PAIP1: variants seen among roughly 807,000 people sequenced by gnomAD.
The protein encoded by PAIP1 is poly(A) binding protein interacting protein 1.
Under a neutral mutation model 61.3 loss-of-function variants are expected in PAIP1, and 16 were observed. The ratio of observed to expected loss-of-function variants is 0.26; its 90% CI spans 0.18 to 0.40. The LOEUF (loss-of-function observed/expected upper bound fraction) is 0.40. Ranked by LOEUF, PAIP1 falls within the 10% of genes least tolerant of loss-of-function variation. PAIP1 has a pLI of 1.00. For synonymous variants in PAIP1, 187 were observed against 226.2 expected (o/e 0.83, Z 1.56); for missense variants, 416 against 600.9 (o/e 0.69, Z 3.22).
chr5:43,540,743 C>T (rs1044559172), intron 4 of PAIP1, among the ~76,000 whole-genome samples: 3 of 152,210 alleles, frequency 2.0e-5, no homozygotes, highest in African/African-American at 7.2e-5. Context: ...TACAGTACTA[C>T]AGAAGCACAT....
At chr5:43,553,795 A>C (rs1747957749) in intron 2 of PAIP1, among the ~76,000 whole-genome samples, 1 of 152,196 alleles carries the variant, frequency 6.6e-6, no homozygotes, top group African/African-American at 2.4e-5. Context: ...TAAGCCAGAA[A>C]GCAAATTAGA....
intron 5 of PAIP1, among the ~76,000 whole-genome samples, chr5:43,537,195 T>C (rs1260057822): frequency 6.6e-6 from 1 of 152,230 alleles, no homozygotes; most frequent in African/African-American, 2.4e-5. Flanking sequence ...TTGATGTTAC[T>C]ACTTCATAAA....
chr5:43,532,123 G>A (rs1746966499), intron 9 of PAIP1, among the ~76,000 whole-genome samples: 1 of 151,984 alleles, frequency 6.6e-6, no homozygotes, highest in African/African-American at 2.4e-5. Flanking sequence ...TCTTTTCCTT[G>A]AAAAGAAACT....
chr5:43,543,130 G>A lies in PAIP1; in HGVS notation c.622-14C>T, dbSNP rs1187187601. On this transcript the variant is annotated splice_polypyrimidine_tract_variant and intron_variant, in intron 3 of 10. Coordinates refer to ENST00000306846, the MANE Select transcript of PAIP1 (RefSeq NM_006451.5). ...GATAGATGTGGCCTTTTAAAAAGAA[G>A]AAAAGTGTTATATGACATAGGTACA... 3.7e-6 allele frequency: 5 copies of A among 1,345,112 alleles called. No homozygotes were observed. Among genetic ancestry groups the A allele is most frequent in the Non-Finnish European group, 5.3e-6 (5 of 937,746 alleles). The allele number at this position is 1,345,112 out of a possible 1,614,324, so 83.3% of individuals were successfully genotyped here. A position where few individuals can be genotyped will look rare whatever the true frequency, so the allele number is the denominator to read the frequency against.
In PAIP1 at chr5:43,534,776, A is replaced by G. The variant is rs1173132675; in HGVS notation, c.1197+77T>C. On this transcript the variant is annotated intron_variant, in intron 8 of 10. Coordinates refer to ENST00000306846, the MANE Select transcript of PAIP1 (RefSeq NM_006451.5). ...TTATTAGGCACTGAATTCTGAGAAC[A>G]GCTTTATGTAGCTCTTCTAATTTCC... is the stretch of plus-strand genomic sequence containing the variant. 3.8e-6 allele frequency: 3 copies of G among 792,772 alleles called. No individual in the cohort carries two copies. In the East Asian group the frequency reaches 7.3e-5, roughly 19 times the overall value. 49.1% of individuals were successfully genotyped at this position (792,772 alleles called of 1,614,324 possible).
intron 9 of PAIP1, among the ~76,000 whole-genome samples, chr5:43,531,656 C>CAAAAGAAAAAAAAAAAAAAAAA (rs1746936973): frequency 1.7e-5 from 1 of 59,868 alleles, no homozygotes; most frequent in African/African-American, 4.9e-5. Context: ...GACTCTGTCT[C>CAAAAGAAAAAAAAAAAAAAAAA]AAAAAAAAAA....
chr5:43,555,807 T>C (rs368703421), intron 2 of PAIP1, 23 bp downstream of exon 2: 39 of 1,571,068 alleles, frequency 2.5e-5, no homozygotes, highest in African/African-American at 4.1e-5. Flanking sequence ...AACCCAGAGT[T>C]GTAGGAAAAA....
Position 43,544,479 on chromosome 5 carries a change from T to C in PAIP1, c.622-1363A>G, listed in dbSNP as rs1747551154. Reference sequence around the variant, plus strand: ...GATTTAAAGACAAGTTCTATAAGGCTTGTCATTCAACAGTTTCCTACTTAC... The same window carrying C: ...GATTTAAAGACAAGTTCTATAAGGCCTGTCATTCAACAGTTTCCTACTTAC... On this transcript the variant is annotated intron_variant, in intron 3 of 10. Transcript: ENST00000306846. 2.0e-5 allele frequency among the ~76,000 whole-genome samples: 3 copies of C among 152,212 alleles called. No individual in the cohort carries two copies. In the South Asian group the frequency reaches 6.2e-4, roughly 32 times the overall value.
chr5:43,539,139 A>G, intron 4 of PAIP1, 104 bp from the exon 5 acceptor site: 1 of 724,472 alleles, frequency 1.4e-6, no homozygotes, highest in South Asian at 1.6e-5. Context: ...AGAGGCAAGG[A>G]CAATGTCCCA....
intron 4 of PAIP1, among the ~76,000 whole-genome samples, chr5:43,540,260 G>C (rs950554426): frequency 1.4e-4 from 22 of 152,124 alleles, no homozygotes; most frequent in African/African-American, 5.3e-4. Flanking sequence ...AAAAAGTTGG[G>C]ATATTTATAG....
At chr5:43,530,001 G>T (rs1746874898) in intron 9 of PAIP1, 122 bp from the exon 10 acceptor site, 5 of 619,622 alleles carry the variant, frequency 8.1e-6, no homozygotes, top group African/African-American at 1.8e-5. Flanking sequence ...AAATCTTAAA[G>T]TAATTACATA....
At chr5:43,554,848 G>A (rs1748000322) in intron 2 of PAIP1, among the ~76,000 whole-genome samples, 2 of 152,018 alleles carry the variant, frequency 1.3e-5, no homozygotes, top group South Asian at 2.1e-4. Context: ...AGAAATAAAG[G>A]CATACAGCCA....
In PAIP1 at chr5:43,535,713, C is replaced by T. The variant is rs941581006; in HGVS notation, c.973-73G>A. The T allele has an allele frequency of 3.9e-5, 30 of 769,442 alleles. No homozygotes were observed. In the African/African-American group the frequency reaches 4.0e-4, roughly 10 times the overall value. 47.7% of individuals were successfully genotyped at this position (769,442 alleles called of 1,614,324 possible). A position where few individuals can be genotyped will look rare whatever the true frequency, so the allele number is the denominator to read the frequency against. On this transcript the variant is annotated intron_variant, in intron 6 of 10. Coordinates refer to ENST00000306846, the MANE Select transcript of PAIP1 (RefSeq NM_006451.5). Reference sequence around the variant, plus strand: ...AGAAATTCTAAAAAGATACCAGTAACAGTTCAAGCATTCTCTAAACAAGAT... The same window carrying T: ...AGAAATTCTAAAAAGATACCAGTAATAGTTCAAGCATTCTCTAAACAAGAT...
Position 43,557,015 on chromosome 5 carries a change from G to GA in PAIP1, c.-170dup. 2 of 1,172,456 alleles carry GA rather than the reference G, an allele frequency of 1.7e-6. No individual in the cohort carries two copies. Among genetic ancestry groups the GA allele is most frequent in the Non-Finnish European group, 1.1e-6 (1 of 929,964 alleles). The allele number at this position is 1,172,456 out of a possible 1,614,324, so 72.6% of individuals were successfully genotyped here. ...GCTGCTCGGTGCTTCTGGCGGAGCGGACGGCAGCCCGAGCACCCGCCGCTC... is the reference window on the plus strand; with the variant it reads ...GCTGCTCGGTGCTTCTGGCGGAGCGGAACGGCAGCCCGAGCACCCGCCGCTC... On this transcript the variant is annotated 5_prime_UTR_variant, in exon 1 of 11. Coordinates refer to ENST00000306846, the MANE Select transcript of PAIP1 (RefSeq NM_006451.5).
At chr5:43,531,035 T>G (rs1235705567) in intron 9 of PAIP1, among the ~76,000 whole-genome samples, 1 of 151,938 alleles carries the variant, frequency 6.6e-6, no homozygotes, top group Non-Finnish European at 1.5e-5. Context: ...CCAAGAAATA[T>G]CTCAGTGGTA....
intron 7 of PAIP1, 104 bp from the exon 8 acceptor site, chr5:43,535,074 C>T: frequency 2.9e-6 from 2 of 686,718 alleles, no homozygotes; most frequent in Non-Finnish European, 5.2e-6. Flanking sequence ...TTAACAGGTA[C>T]ATCTGATGCC....
intron 4 of PAIP1, among the ~76,000 whole-genome samples, chr5:43,539,481 AC>A (rs1747307904): frequency 6.7e-6 from 1 of 149,580 alleles, no homozygotes; most frequent in South Asian, 2.1e-4. Context: ...ACACACACAC[AC>A]ACACAACCTC....
intron 9 of PAIP1, among the ~76,000 whole-genome samples, 177 bp from the exon 10 acceptor site, chr5:43,530,056 T>C (rs1746877125): frequency 6.6e-6 from 1 of 152,248 alleles, no homozygotes; most frequent in Non-Finnish European, 1.5e-5. Context: ...CTGTAGGTGA[T>C]GTACATTCAT....
Position 43,556,642 on chromosome 5 carries a change from C to T in PAIP1, c.205G>A (p.Gly69Arg), listed in dbSNP as rs1748096222. Reference protein sequence around the residue: ...LRQPRTTPPPGAQCEVPASPQ... With the variant: ...LRQPRTTPPPRAQCEVPASPQ... Reference sequence around the variant, plus strand: ...CTGGCGGGGACCTCGCACTGGGCCCCTGGCGGCGGGGTCGTCCTGGGCTGG... The same window carrying T: ...CTGGCGGGGACCTCGCACTGGGCCCTTGGCGGCGGGGTCGTCCTGGGCTGG... Residue 69 changes from glycine to arginine, a missense_variant, in exon 1 of 11, where the codon GGG (glycine) becomes AGG (arginine). Gly to Arg is a moderately radical substitution (Grantham distance 125). Around this residue, in one of 4 missense-constraint regions of PAIP1, gnomAD observed 180 missense variants for 211.2 expected, o/e 0.85. Transcript: ENST00000306846. 1.6e-6 allele frequency: 2 copies of T among 1,264,016 alleles called. No homozygotes were observed. Among genetic ancestry groups the T allele is most frequent in the Non-Finnish European group, 1.0e-6 (1 of 1,003,948 alleles). 78.3% of individuals were successfully genotyped at this position (1,264,016 alleles called of 1,614,324 possible).
Sources: allele counts gnomAD v4.1 joint callset (sites outside exome capture counted in the v4.1 genomes callset), GRCh38; gene constraint gnomAD v4.1.1; regional missense constraint gnomAD v4.1.1; transcripts MANE v1.5; gene names NCBI Gene and HGNC (gene_info 2026-07-23, HGNC 2026-07-21).